The following KCMF1 variants were observed in gnomAD, a reference collection of about 807,000 sequenced individuals.
KCMF1 encodes the protein potassium channel modulatory factor 1, also known as E3 ubiquitin-protein ligase KCMF1.
In KCMF1, 3 loss-of-function variants were observed where a neutral mutation model predicts 41.1. That is an observed-to-expected ratio of 0.07 (90% CI 0.03 to 0.19). The LOEUF is 0.19. KCMF1 is among the 10% of genes least tolerant of loss of function. The pLI is 1.00. For synonymous variants in KCMF1, 142 were observed against 164.5 expected, an observed-to-expected ratio of 0.86 and a Z score of 1.04; for missense variants, 286 against 488.9, an observed-to-expected ratio of 0.58 and a Z score of 3.91.
chr2:85,041,338 G>T (rs758403427), intron 3 of KCMF1, among the ~76,000 whole-genome samples: 6 of 152,152 alleles, frequency 3.9e-5, no homozygotes, highest in Non-Finnish European at 8.8e-5. Context: ...TCCTTGTCTC[G>T]AAGGTGCTTT....
chr2:84,986,604 G>A (rs1300210310), intron 1 of KCMF1, among the ~76,000 whole-genome samples: 1 of 152,066 alleles, frequency 6.6e-6, no homozygotes, highest in Non-Finnish European at 1.5e-5. Context: ...TGGGCCGGGT[G>A]CGGTGGCTCA....
chr2:84,973,594 G>A (rs1233648899), intron 1 of KCMF1, among the ~76,000 whole-genome samples: 1 of 152,084 alleles, frequency 6.6e-6, no homozygotes, highest in Non-Finnish European at 1.5e-5. Context: ...CTAGTTTATG[G>A]CCTAAGACAG....
intron 1 of KCMF1, among the ~76,000 whole-genome samples, chr2:85,003,134 G>A (rs566611811): frequency 1.3e-5 from 2 of 152,236 alleles, no homozygotes; most frequent in East Asian, 3.9e-4. Context: ...CTTATCACAT[G>A]AATTGTTTTA....
chr2:84,998,025 G>A (rs1674218769), intron 1 of KCMF1, among the ~76,000 whole-genome samples: 1 of 151,574 alleles, frequency 6.6e-6, no homozygotes, highest in African/African-American at 2.4e-5. Flanking sequence ...TGCCCACCTC[G>A]GACTCCCATA....
At position 85,057,986 on chromosome 2, in the gene KCMF1, T is replaced by C. The variant is rs780659740; in HGVS notation, c.*4577T>C. 5.9e-5 allele frequency: 9 copies of C among 152,208 alleles called. No homozygotes were observed. Among genetic ancestry groups the C allele is most frequent in the Non-Finnish European group, 1.3e-4 (9 of 68,042 alleles). The allele number at this position is 152,208 out of a possible 1,614,324, so 9.4% of individuals were successfully genotyped here. On this transcript the variant is annotated 3_prime_UTR_variant, in exon 7 of 7. Transcript: ENST00000409785. ...GTAAGTCAGTTAACTTTACAGCAAC[T>C]AAAGAGATCAATTAAAAAGAACCCT...
At chr2:84,972,320 A>C (rs1468177104) in intron 1 of KCMF1, 1 of 152,270 alleles carries the variant, frequency 6.6e-6, no homozygotes. Flanking sequence ...AGTTGCAAAT[A>C]AGCAGACAGC....
chr2:85,005,658 CTTTT>C (rs1674454081), intron 1 of KCMF1, among the ~76,000 whole-genome samples: 1 of 152,060 alleles, frequency 6.6e-6, no homozygotes, highest in Admixed American at 6.5e-5. Context: ...TGATACTTTG[CTTTT>C]TTATTTTTTT....
At chr2:85,017,105 A>G (rs1446684192) in intron 1 of KCMF1, among the ~76,000 whole-genome samples, 1 of 148,548 alleles carries the variant, frequency 6.7e-6, no homozygotes, top group Non-Finnish European at 1.5e-5. Flanking sequence ...GCTCACTGCA[A>G]GCTCCGCTTC....
At chr2:84,991,303 T>C (rs1162122838) in intron 1 of KCMF1, among the ~76,000 whole-genome samples, 1 of 152,150 alleles carries the variant, frequency 6.6e-6, no homozygotes, top group East Asian at 1.9e-4. Flanking sequence ...AAGAGTTCTG[T>C]TTCAGGCGTA....
Position 85,053,166 on chromosome 2 carries a change from G to T in KCMF1, c.903G>T (p.Met301Ile), listed in dbSNP as rs1423429043. 6.2e-7 allele frequency: 1 copy of T among 1,613,618 alleles called. No homozygotes were observed. The highest frequency in any genetic ancestry group is 1.3e-5 in the African/African-American group (1 of 75,030). ...TACACAGGTTGAATGATCCTAAAAT[G>T]TCTGAAACGGAGCGCCAGTCCATGG... ...FLLTRLNDPKMSETERQSMES... is the reference protein window; with the variant it reads ...FLLTRLNDPKISETERQSMES... The change falls in exon 7 of 7, where the codon ATG becomes ATT. Residue 301 changes from methionine to isoleucine, a missense_variant. Met to Ile is a conservative substitution (Grantham distance 10). Transcript: ENST00000409785.
chr2:84,991,600 G>A (rs899191753), intron 1 of KCMF1, among the ~76,000 whole-genome samples: 4 of 152,192 alleles, frequency 2.6e-5, no homozygotes, highest in African/African-American at 9.7e-5. Flanking sequence ...GTGCTACAGT[G>A]AGACAGGTCC....
intron 1 of KCMF1, among the ~76,000 whole-genome samples, chr2:84,991,273 G>A (rs1574010075): frequency 6.6e-6 from 1 of 152,178 alleles, no homozygotes; most frequent in African/African-American, 2.4e-5. Context: ...GAAGGGAGAA[G>A]CATTTTGGAG....
chr2:84,971,488 C>G lies in KCMF1; in HGVS notation c.16+21C>G, dbSNP rs767918601. On this transcript the variant is annotated intron_variant, in intron 1 of 6. Coordinates refer to ENST00000409785, the MANE Select transcript of KCMF1 (RefSeq NM_020122.5). ...TGAAGGTGAGAGGAGCCCCCGCCCC[C>G]ACCCGCACCTCCCGGGCCTCGGCCT... 7.2e-6 allele frequency: 9 copies of G among 1,241,950 alleles called. No homozygotes were observed. The Admixed American group carries it at 9.9e-5, about 14-fold the overall frequency. The allele number at this position is 1,241,950 out of a possible 1,614,324, so 76.9% of individuals were successfully genotyped here.
At chr2:84,989,302 G>A (rs892475546) in intron 1 of KCMF1, among the ~76,000 whole-genome samples, 5 of 152,170 alleles carry the variant, frequency 3.3e-5, no homozygotes, top group South Asian at 2.1e-4. Flanking sequence ...TACTTTGATG[G>A]TGAATTTATA....
chr2:85,005,357 C>T (rs1440270965), intron 1 of KCMF1, among the ~76,000 whole-genome samples: 1 of 151,806 alleles, frequency 6.6e-6, no homozygotes, highest in East Asian at 1.9e-4. Context: ...GGCACGATCT[C>T]AGCTCACTGC....
chr2:85,018,426 C>T (rs1455710637), intron 1 of KCMF1, among the ~76,000 whole-genome samples: 1 of 151,972 alleles, frequency 6.6e-6, no homozygotes, highest in Non-Finnish European at 1.5e-5. Flanking sequence ...CAGGCCAGCA[C>T]GCCAGGCTAA....
intron 1 of KCMF1, among the ~76,000 whole-genome samples, chr2:84,974,658 CAT>C (rs71392939): frequency 0.063 from 1,844 of 29,282 alleles, 131 homozygotes; most frequent in Middle Eastern, 0.15. Flanking sequence ...ATTTTAATTT[CAT>C]ATATATATAT....
At chr2:84,981,038 T>C (rs1047634764) in intron 1 of KCMF1, among the ~76,000 whole-genome samples, 1 of 150,668 alleles carries the variant, frequency 6.6e-6, no homozygotes, top group African/African-American at 2.5e-5. Flanking sequence ...GATGGATCCC[T>C]GTAACTTAAT....
chr2:85,042,207 C>CA (rs757215623), intron 3 of KCMF1, among the ~76,000 whole-genome samples: 5 of 152,204 alleles, frequency 3.3e-5, no homozygotes, highest in Non-Finnish European at 7.3e-5. Flanking sequence ...GGATATTTCT[C>CA]AGAGTCCTGA....
Sources: gnomAD v4.1 joint callset for allele counts (sites outside exome capture counted in the v4.1 genomes callset) on GRCh38, gnomAD v4.1.1 for gene constraint, MANE v1.5 for transcripts, NCBI Gene and HGNC (gene_info 2026-07-23, HGNC 2026-07-21) for gene names.